Variants in AKAP12 observed in about 807,000 individuals in gnomAD.
AKAP12 encodes A-kinase anchoring protein 12, also known as A-kinase anchor protein 12.
AKAP12 carries 32 observed loss-of-function variants against 79.9 expected under a neutral mutation model. That is an observed-to-expected ratio of 0.40 (90% confidence interval 0.30 to 0.54). AKAP12 has a LOEUF of 0.54. AKAP12 is among the 20% of genes least tolerant of loss of function. The pLI, the probability that AKAP12 is intolerant of heterozygous loss-of-function variation, is 0.48. For missense variants in AKAP12, 2,074 were observed against 2,177.0 expected (o/e 0.95, Z 0.94); for synonymous variants, 808 against 857.0 (o/e 0.94, Z 1.00).
chr6:151,347,035 G>A (rs775831087), intron 3 of AKAP12, among the ~76,000 whole-genome samples: 6 of 151,906 alleles, frequency 3.9e-5, no homozygotes, highest in South Asian at 2.1e-4. Context: ...CACATCAGAC[G>A]AGTAATGTGC....
intron 2 of AKAP12, among the ~76,000 whole-genome samples, chr6:151,255,188 G>A (rs182931784): frequency 2.0e-5 from 3 of 150,856 alleles, no homozygotes; most frequent in African/African-American, 7.3e-5. Flanking sequence ...TTTTTGAGAC[G>A]GAGTTTCGCT....
intron 2 of AKAP12, among the ~76,000 whole-genome samples, chr6:151,249,728 C>T (rs114751753): frequency 0.021 from 3,273 of 152,264 alleles, 126 homozygotes; most frequent in African/African-American, 0.074. Flanking sequence ...TATGCATAAA[C>T]CTGTTTATTG....
Position 151,356,955 on chromosome 6 carries a change from T to C in AKAP12, c.*1241T>C, listed in dbSNP as rs1778457050. On this transcript the variant is annotated 3_prime_UTR_variant, in exon 5 of 5. Coordinates refer to ENST00000402676, the MANE Select transcript of AKAP12 (RefSeq NM_005100.4). ...AGATAGCTTTCCTGAAATAAACCAGTAGCTTTTCAGATTGACGTTCTTGCT... is the reference window on the plus strand; with the variant it reads ...AGATAGCTTTCCTGAAATAAACCAGCAGCTTTTCAGATTGACGTTCTTGCT... 6.6e-6 allele frequency: 1 copy of C among 152,240 alleles called. No individual in the cohort carries two copies. Among genetic ancestry groups the C allele is most frequent in the African/African-American group, 2.4e-5 (1 of 41,466 alleles). The allele number at this position is 152,240 out of a possible 1,614,324, so 9.4% of individuals were successfully genotyped here.
chr6:151,279,955 A>G (rs187864638), intron 2 of AKAP12, among the ~76,000 whole-genome samples: 5 of 152,282 alleles, frequency 3.3e-5, no homozygotes, highest in African/African-American at 9.6e-5. Flanking sequence ...AAATGCCACC[A>G]TATAAGAAAA....
rs2114823747 is a variant in AKAP12 at position 151,349,484 on chromosome 6, GC to G, written c.1096del (p.His366ThrfsTer43). 1 of 1,607,128 alleles carries G rather than the reference GC, an allele frequency of 6.2e-7. No individual in the cohort carries two copies. Among genetic ancestry groups the G allele is most frequent in the African/African-American group, 1.3e-5 (1 of 74,132 alleles). ...CCACCCACAGGAGCCGGCAGAAAGT[GC>G]CCACGAGCCCCGGTTATCAGCTGAA... ...QAHPQEPAES[A>X]HEPRLSAEYE... On this transcript the variant is annotated frameshift_variant, in exon 4 of 5. Transcript: ENST00000402676. LOFTEE classifies it high-confidence loss of function.
chr6:151,331,505 G>A (rs1777665240), intron 3 of AKAP12, among the ~76,000 whole-genome samples: 1 of 152,194 alleles, frequency 6.6e-6, no homozygotes, highest in African/African-American at 2.4e-5. Flanking sequence ...TCGCTTGGCA[G>A]TGATAACTTC....
At chr6:151,294,412 A>T (rs1776682785) in intron 2 of AKAP12, among the ~76,000 whole-genome samples, 3 of 152,188 alleles carry the variant, frequency 2.0e-5, no homozygotes, top group African/African-American at 2.4e-5. Context: ...ATGTCCTGTA[A>T]TTACTGTCCA....
chr6:151,306,432 C>T (rs1776980026), intron 3 of AKAP12, among the ~76,000 whole-genome samples: 1 of 152,144 alleles, frequency 6.6e-6, no homozygotes, highest in Non-Finnish European at 1.5e-5. Context: ...GGAACCGTAT[C>T]TTGAGGTCAG....
At chr6:151,303,537 C>T (rs541689071) in intron 2 of AKAP12, among the ~76,000 whole-genome samples, 2 of 152,324 alleles carry the variant, frequency 1.3e-5, no homozygotes, top group South Asian at 4.1e-4. Flanking sequence ...CAACTTAAGG[C>T]TTCTGGATTG....
At chr6:151,328,878 C>A in intron 3 of AKAP12, among the ~76,000 whole-genome samples, 1 of 152,048 alleles carries the variant, frequency 6.6e-6, no homozygotes, top group Non-Finnish European at 1.5e-5. Flanking sequence ...TCACTTAATA[C>A]TATTATCCCC....
intron 2 of AKAP12, among the ~76,000 whole-genome samples, chr6:151,302,451 C>T (rs1661195045): frequency 6.6e-6 from 1 of 152,152 alleles, no homozygotes; most frequent in Admixed American, 6.6e-5. Flanking sequence ...CGTCACAGTG[C>T]CCGGCTCAGT....
At chr6:151,311,989 C>T (rs751844779) in intron 3 of AKAP12, among the ~76,000 whole-genome samples, 1 of 152,220 alleles carries the variant, frequency 6.6e-6, no homozygotes. Context: ...GCTTTCTCTG[C>T]CCAGAAGGAA....
chr6:151,335,971 G>A (rs1777802109), intron 3 of AKAP12, among the ~76,000 whole-genome samples: 1 of 151,886 alleles, frequency 6.6e-6, no homozygotes, highest in Non-Finnish European at 1.5e-5. Context: ...CCATCTTTAT[G>A]TCCCTGTGTA....
At chr6:151,293,966 T>C (rs1004964144) in intron 2 of AKAP12, among the ~76,000 whole-genome samples, 2 of 150,602 alleles carry the variant, frequency 1.3e-5, no homozygotes, top group African/African-American at 4.9e-5. Flanking sequence ...GGTTCAACCT[T>C]GGAGTTCTTC....
chr6:151,273,305 G>C (rs75873363), intron 2 of AKAP12, among the ~76,000 whole-genome samples: 7,050 of 152,326 alleles, frequency 0.046, 176 homozygotes, highest in Middle Eastern at 0.088. Context: ...AGCAATCACA[G>C]ACAATGCCTG....
At chr6:151,308,730 C>T (rs9397389) in intron 3 of AKAP12, among the ~76,000 whole-genome samples, 46,910 of 152,064 alleles carry the variant, frequency 0.31, 7,482 homozygotes, top group African/African-American at 0.39. Flanking sequence ...CATACTCCTT[C>T]TGTTTTTTTC....
chr6:151,302,200 C>T (rs968133853), intron 2 of AKAP12, among the ~76,000 whole-genome samples: 11 of 151,880 alleles, frequency 7.2e-5, no homozygotes, highest in South Asian at 2.1e-4. Flanking sequence ...TTAGTAGAGA[C>T]GGGGTTTCAC....
At chr6:151,289,943 A>G (rs1377441849) in intron 2 of AKAP12, among the ~76,000 whole-genome samples, 14 of 152,162 alleles carry the variant, frequency 9.2e-5, no homozygotes, top group Admixed American at 9.2e-4. Flanking sequence ...TCCTTGGGTA[A>G]CATGATGACT....
chr6:151,349,606 T>C lies in AKAP12; in HGVS notation c.1215T>C (p.Asp405=). The change falls in exon 4 of 5, where the codon GAT becomes GAC. Residue 405 remains aspartate (D), a synonymous_variant. Transcript: ENST00000402676. ...KPAPLATEVF[D]EKIEVHQEEV... ...CTCCGTTGGCGACAGAAGTGTTTGATGAGAAAATAGAAGTCCACCAAGAAG... is the reference window on the plus strand; with the variant it reads ...CTCCGTTGGCGACAGAAGTGTTTGACGAGAAAATAGAAGTCCACCAAGAAG... 6.2e-7 allele frequency: 1 copy of C among 1,610,678 alleles called. No individual in the cohort carries two copies. The highest frequency in any genetic ancestry group is 8.5e-7 in the Non-Finnish European group (1 of 1,178,972).
Sources: gnomAD v4.1 joint callset for allele counts (sites outside exome capture counted in the v4.1 genomes callset) on GRCh38, gnomAD v4.1.1 for gene constraint, MANE v1.5 for transcripts, NCBI Gene and HGNC (gene_info 2026-07-23, HGNC 2026-07-21) for gene names.